The following ZIM2 variants were observed in gnomAD, a reference collection of about 807,000 sequenced individuals.
The protein encoded by ZIM2 is zinc finger imprinted 2, also known as zinc finger protein 656.
ZIM2 carries 14 observed loss-of-function variants against 38.6 expected under a neutral mutation model. The ratio of observed to expected loss-of-function variants is 0.36; its 90% CI spans 0.24 to 0.57. The LOEUF (loss-of-function observed/expected upper bound fraction) is 0.57, where lower values mean the gene tolerates loss of function less well. Among genes scored for constraint, ZIM2 ranks in the 20% least tolerant of loss-of-function variants. ZIM2 has a pLI of 0.81. For missense variants in ZIM2, 680 were observed against 695.1 expected, an observed-to-expected ratio of 0.98 and a Z score of 0.24; for synonymous variants, 247 against 245.8, an observed-to-expected ratio of 1.00 and a Z score of -0.04.
intron 9 of ZIM2, chr19:56,815,255 A>C: frequency 2.5e-6 from 4 of 1,613,008 alleles, no homozygotes; most frequent in Non-Finnish European, 2.5e-6. Flanking sequence ...TCGCCTTGAG[A>C]CTCCTCGCCA....
chr19:56,811,836 C>G (rs1406828948), intron 9 of ZIM2: 1 of 985,462 alleles, frequency 1.0e-6, no homozygotes, highest in African/African-American at 1.7e-5. Flanking sequence ...TCTCAGAAAC[C>G]TGGCCTTCTA....
intron 9 of ZIM2, chr19:56,812,910 G>A: frequency 1.0e-6 from 1 of 985,574 alleles, no homozygotes; most frequent in African/African-American, 1.7e-5. Flanking sequence ...ATCAATCTGG[G>A]TCACAAAAAG....
chr19:56,810,193 G>C (rs892868123), intron 9 of ZIM2: 5 of 980,334 alleles, frequency 5.1e-6, no homozygotes, highest in Non-Finnish European at 6.1e-6. Context: ...AATATATCAA[G>C]ATGTTAACCA....
intron 2 of ZIM2, among the ~76,000 whole-genome samples, chr19:56,831,013 G>A (rs747536404): frequency 6.6e-6 from 1 of 152,138 alleles, no homozygotes; most frequent in South Asian, 2.1e-4. Context: ...ATAAAGACAC[G>A]TGTATCACAT....
At chr19:56,813,799 C>A in intron 9 of ZIM2, 1 of 1,614,070 alleles carries the variant, frequency 6.2e-7, no homozygotes, top group Non-Finnish European at 8.5e-7. Context: ...GGTGCTGGCA[C>A]GTTCGATGTA....
intron 9 of ZIM2, chr19:56,810,221 A>C: frequency 5.1e-6 from 5 of 983,092 alleles, no homozygotes; most frequent in Non-Finnish European, 6.0e-6. Context: ...TGGATGGTGA[A>C]AACATGGGTG....
At chr19:56,785,407 G>A (rs751439024) in intron 10 of ZIM2, among the ~76,000 whole-genome samples, 6 of 151,658 alleles carry the variant, frequency 4.0e-5, no homozygotes, top group Admixed American at 6.6e-5. Context: ...ATCTTTATAC[G>A]TCATTTTTTC....
intron 9 of ZIM2, chr19:56,816,946 T>C: frequency 6.2e-7 from 1 of 1,614,228 alleles, no homozygotes; most frequent in African/African-American, 1.3e-5. Context: ...CCCTCCAACC[T>C]GACTTTTCTG....
At chr19:56,828,370 T>C (rs2061261260) in intron 2 of ZIM2, among the ~76,000 whole-genome samples, 1 of 152,166 alleles carries the variant, frequency 6.6e-6, no homozygotes, top group Non-Finnish European at 1.5e-5. Flanking sequence ...TGTCAGTACA[T>C]AAATACAATG....
In ZIM2 at chr19:56,810,967, T is replaced by C; in HGVS notation, c.490+6779A>G. ...AAATTAAAGTGAAAGTATTTAACCA[T>C]AATTCCACAAAGGTAATGTAACAGC... On this transcript the variant is annotated intron_variant, in intron 9 of 12. Transcript: ENST00000629319. 3.1e-6 allele frequency: 3 copies of C among 972,270 alleles called. No individual in the cohort carries two copies. The South Asian group carries it at 1.4e-4, about 46-fold the overall frequency. The allele number at this position is 972,270 out of a possible 1,614,324, so 60.2% of individuals were successfully genotyped here. A position where few individuals can be genotyped will look rare whatever the true frequency, so the allele number is the denominator to read the frequency against.
Position 56,814,899 on chromosome 19 carries a change from A to G in ZIM2, c.490+2847T>C. 6.2e-7 allele frequency: 1 copy of G among 1,614,176 alleles called. No homozygotes were observed. The highest frequency in any genetic ancestry group is 8.5e-7 in the Non-Finnish European group (1 of 1,180,038). On this transcript the variant is annotated intron_variant, in intron 9 of 12. Coordinates refer to ENST00000629319, the MANE Select transcript of ZIM2 (RefSeq NM_001387356.1). This position sits in a 1 kb window ranked among gnomAD's most constrained non-coding sequence, Gnocchi z 5.8. ...ACTGGTCTTGTTCATGGATTCTCTGATGCTCGAAAAGGAATGAGCTATGAA... is the reference window on the plus strand; with the variant it reads ...ACTGGTCTTGTTCATGGATTCTCTGGTGCTCGAAAAGGAATGAGCTATGAA...
intron 1 of ZIM2, among the ~76,000 whole-genome samples, chr19:56,839,292 T>C (rs887364807): frequency 6.7e-6 from 1 of 149,606 alleles, no homozygotes; most frequent in African/African-American, 2.5e-5. Flanking sequence ...GGGCGGGGCC[T>C]GAGCAGATCG....
At chr19:56,816,547 C>G (rs773882476) in intron 9 of ZIM2, 1 of 1,614,022 alleles carries the variant, frequency 6.2e-7, no homozygotes, top group South Asian at 1.1e-5. Flanking sequence ...AGTCTCCCCA[C>G]ACACCTTACA....
chr19:56,839,685 G>A (rs571224439), intron 1 of ZIM2, among the ~76,000 whole-genome samples: 10 of 152,276 alleles, frequency 6.6e-5, no homozygotes, highest in African/African-American at 2.2e-4. Flanking sequence ...CACCCAATGG[G>A]TGGGGCTGGA....
intron 2 of ZIM2, chr19:56,833,172 C>T (rs1471219474): frequency 1.9e-6 from 1 of 517,326 alleles, no homozygotes; most frequent in African/African-American, 1.9e-5. Context: ...CAGGCTCCCA[C>T]ATCCCATCTG....
chr19:56,784,012 A>AT (rs1441682605), intron 10 of ZIM2, among the ~76,000 whole-genome samples: 1 of 152,238 alleles, frequency 6.6e-6, no homozygotes, highest in Non-Finnish European at 1.5e-5. Flanking sequence ...AATGACAAAA[A>AT]TTGAAAATTA....
chr19:56,775,780 C>A (rs114020323), intron 12 of ZIM2, among the ~76,000 whole-genome samples: 2,508 of 151,686 alleles, frequency 0.017, 82 homozygotes, highest in African/African-American at 0.057. Context: ...TTCTGAAAAC[C>A]TAAAGAGAAA....
At chr19:56,783,634 G>A (rs1300036041) in intron 10 of ZIM2, among the ~76,000 whole-genome samples, 1 of 152,118 alleles carries the variant, frequency 6.6e-6, no homozygotes, top group Non-Finnish European at 1.5e-5. Flanking sequence ...GGGTATACAT[G>A]GTCATTAAAA....
At chr19:56,810,728 AT>A in intron 9 of ZIM2, 2 of 984,238 alleles carry the variant, frequency 2.0e-6, no homozygotes, top group Non-Finnish European at 1.2e-6. Context: ...ATGCACACAT[AT>A]TTAACACTGT....
Sources: allele counts gnomAD v4.1 joint callset (sites outside exome capture counted in the v4.1 genomes callset), GRCh38; gene constraint gnomAD v4.1.1; non-coding constraint Gnocchi (gnomAD v3.1); transcripts MANE v1.5; gene names NCBI Gene and HGNC (gene_info 2026-07-23, HGNC 2026-07-21).